ESRP1: variants seen among roughly 807,000 people sequenced by gnomAD.
ESRP1 encodes epithelial splicing regulatory protein 1.
In ESRP1, 33 loss-of-function variants were observed where a neutral mutation model predicts 81.7. That is an observed-to-expected ratio of 0.40 (90% CI 0.31 to 0.54). The LOEUF is 0.54. Ranked by LOEUF, ESRP1 falls within the 20% of genes least tolerant of loss-of-function variation. ESRP1 has a pLI of 0.41. For missense variants in ESRP1, 672 were observed against 833.1 expected (o/e 0.81, Z 2.38); for synonymous variants, 320 against 303.3 (o/e 1.06, Z -0.57).
intron 13 of ESRP1, among the ~76,000 whole-genome samples, chr8:94,691,564 A>G (rs534877085): frequency 6.6e-6 from 1 of 152,336 alleles, no homozygotes; most frequent in African/African-American, 2.4e-5. Flanking sequence ...AAGCAAATGA[A>G]GGAATTAAGT....
intron 4 of ESRP1, among the ~76,000 whole-genome samples, chr8:94,657,216 G>A (rs1469303457): frequency 6.6e-6 from 1 of 152,194 alleles, no homozygotes; most frequent in African/African-American, 2.4e-5. Context: ...TGTGAAGCTG[G>A]CTAAGCCTGT....
Position 94,641,965 on chromosome 8 carries a change from T to G in ESRP1, c.142T>G (p.Leu48Val). The G allele has an allele frequency of 6.2e-7, 1 of 1,613,848 alleles. No individual in the cohort carries two copies. The highest frequency in any genetic ancestry group is 8.5e-7 in the Non-Finnish European group (1 of 1,179,792). ...VDLANKKVGQ[L>V]HEVLVRPDQL... ...TTCTCTACCTTCGGAGGTGGGACAG[T>G]TGCACGAAGTGCTAGTTAGACCGGA... Residue 48 changes from leucine (L) to valine (V), a missense_variant, in exon 2 of 16, where the codon TTG becomes GTG. Physicochemically the swap from Leu to Val is conservative, Grantham distance 32. Coordinates refer to ENST00000433389, the MANE Select transcript of ESRP1 (RefSeq NM_017697.4).
At chr8:94,645,383 A>C (rs1817794073) in intron 3 of ESRP1, among the ~76,000 whole-genome samples, 2 of 152,062 alleles carry the variant, frequency 1.3e-5, no homozygotes, top group Non-Finnish European at 2.9e-5. Context: ...AGTTTTTAAA[A>C]GGATTATCTT....
intron 12 of ESRP1, 93 bp downstream of exon 12, chr8:94,674,599 T>G (rs1819499309): frequency 8.9e-7 from 1 of 1,127,960 alleles, no homozygotes; most frequent in Non-Finnish European, 1.2e-6. Context: ...TGGTTCTTTC[T>G]GAGGCAGGTG....
intron 13 of ESRP1, among the ~76,000 whole-genome samples, chr8:94,684,546 G>A (rs1301076062): frequency 6.6e-6 from 1 of 152,088 alleles, no homozygotes; most frequent in East Asian, 1.9e-4. Context: ...CCAAATATGT[G>A]GTATTTGTAA....
intron 14 of ESRP1, among the ~76,000 whole-genome samples, chr8:94,694,899 A>C (rs1486775051): frequency 1.3e-5 from 2 of 152,242 alleles, no homozygotes; most frequent in Non-Finnish European, 2.9e-5. Context: ...AGTTAGGATT[A>C]CATAGGAACT....
At position 94,692,661 on chromosome 8, in the gene ESRP1, C is replaced by A; in HGVS notation, c.1821-16C>A. 1 of 1,611,038 alleles carries A rather than the reference C, an allele frequency of 6.2e-7. No individual in the cohort carries two copies. ...TGTCTATTCCTATTGGTTCACTGTG[C>A]TTTCTCTCCCTTTAGCCCCCCAGGT... is the stretch of plus-strand genomic sequence containing the variant. On this transcript the variant is annotated splice_polypyrimidine_tract_variant and intron_variant, in intron 13 of 15. Coordinates refer to ENST00000433389, the MANE Select transcript of ESRP1 (RefSeq NM_017697.4).
chr8:94,674,916 A>C (rs186271618), intron 12 of ESRP1, among the ~76,000 whole-genome samples: 4 of 152,320 alleles, frequency 2.6e-5, no homozygotes, highest in Admixed American at 2.6e-4. Context: ...AGTTTGATGC[A>C]CATGTTGCAT....
chr8:94,698,634 G>A (rs1809697460), intron 15 of ESRP1, among the ~76,000 whole-genome samples: 1 of 152,196 alleles, frequency 6.6e-6, no homozygotes, highest in South Asian at 2.1e-4. Context: ...TTGTAGGGAT[G>A]TATTTGGGAA....
At chr8:94,693,597 A>G (rs1451893134) in intron 14 of ESRP1, among the ~76,000 whole-genome samples, 1 of 152,134 alleles carries the variant, frequency 6.6e-6, no homozygotes, top group Non-Finnish European at 1.5e-5. Context: ...TAGTCTTTTT[A>G]TTGTACTAAT....
intron 14 of ESRP1, among the ~76,000 whole-genome samples, 166 bp from the exon 15 acceptor site, chr8:94,696,683 TAAG>T (rs536223715): frequency 2.8e-4 from 42 of 152,328 alleles, no homozygotes; most frequent in African/African-American, 9.9e-4. Flanking sequence ...TTAAACATGT[TAAG>T]AAATAAAGAT....
chr8:94,655,065 T>TTGTGTG (rs1554575901), intron 4 of ESRP1, among the ~76,000 whole-genome samples: 24 of 147,634 alleles, frequency 1.6e-4, no homozygotes, highest in South Asian at 1.5e-3. Context: ...TTTGGGTTTT[T>TTGTGTG]TGTGTGTGTG....
At chr8:94,696,588 A>G (rs1015111207) in intron 14 of ESRP1, among the ~76,000 whole-genome samples, 1 of 152,160 alleles carries the variant, frequency 6.6e-6, no homozygotes, top group Non-Finnish European at 1.5e-5. Flanking sequence ...TTGGCCTCCT[A>G]AGTTCTTGTG....
At position 94,705,768 on chromosome 8, in the gene ESRP1, G is replaced by A. The variant is rs1188470516; in HGVS notation, c.*36-157G>A. 6.1e-6 allele frequency: 4 copies of A among 658,628 alleles called. No homozygotes were observed. In the East Asian group the frequency reaches 1.1e-4, roughly 18 times the overall value. 40.8% of individuals were successfully genotyped at this position (658,628 alleles called of 1,614,324 possible). A position where few individuals can be genotyped will look rare whatever the true frequency, so the allele number is the denominator to read the frequency against. Reference sequence around the variant, plus strand: ...CTCCCAAAGCCCTTGCCATGTAAATGCCAACTATGTCTGTGTGAAATAATA... The same window carrying A: ...CTCCCAAAGCCCTTGCCATGTAAATACCAACTATGTCTGTGTGAAATAATA... On this transcript the variant is annotated intron_variant, in intron 15 of 15. Coordinates refer to ENST00000433389, the MANE Select transcript of ESRP1 (RefSeq NM_017697.4).
rs191628552 is a variant in ESRP1 at position 94,681,141 on chromosome 8, T to C, written c.1820+2770T>C. ...GAGATAGAGACCATCCTGGCTAACA[T>C]GGTGAAACCCCGTCTCTACTAAAAA... On this transcript the variant is annotated intron_variant, in intron 13 of 15. Transcript: ENST00000433389. Among the ~76,000 whole-genome samples, 772 of 150,728 alleles carry C rather than the reference T, an allele frequency of 5.1e-3. 2 individuals are homozygous for C. Among genetic ancestry groups the C allele is most frequent in the Admixed American group, 0.011 (170 of 15,170 alleles).
At chr8:94,668,372 C>A in intron 10 of ESRP1, 122 bp downstream of exon 10, 1 of 938,980 alleles carries the variant, frequency 1.1e-6, no homozygotes, top group Non-Finnish European at 1.5e-6. Flanking sequence ...AGTGTAACTG[C>A]ATGAAAATAG....
chr8:94,643,193 C>T lies in ESRP1; in HGVS notation c.262-110C>T, dbSNP rs924536693. On this transcript the variant is annotated intron_variant, in intron 2 of 15. Coordinates refer to ENST00000433389, the MANE Select transcript of ESRP1 (RefSeq NM_017697.4). Reference sequence around the variant, plus strand: ...AAGGTTGCCCCAGCACCGGTGTCACCCATCAGGGCCCTTATTGCGGTTTTC... The same window carrying T: ...AAGGTTGCCCCAGCACCGGTGTCACTCATCAGGGCCCTTATTGCGGTTTTC... 8.9e-6 allele frequency: 6 copies of T among 672,348 alleles called. No homozygotes were observed. The Admixed American group carries it at 9.1e-5, about 10-fold the overall frequency. 41.6% of individuals were successfully genotyped at this position (672,348 alleles called of 1,614,324 possible).
chr8:94,647,031 G>GT (rs1368179958), intron 4 of ESRP1, among the ~76,000 whole-genome samples: 4 of 152,170 alleles, frequency 2.6e-5, no homozygotes, highest in African/African-American at 9.7e-5. Context: ...TCATCATGAA[G>GT]TTAAAACTAA....
chr8:94,650,182 C>A (rs144003029), intron 4 of ESRP1, among the ~76,000 whole-genome samples: 2 of 152,204 alleles, frequency 1.3e-5, no homozygotes, highest in Non-Finnish European at 2.9e-5. Context: ...TTTTGACAAA[C>A]GTATAATGAC....
Sources: allele counts gnomAD v4.1 joint callset (sites outside exome capture counted in the v4.1 genomes callset), GRCh38; gene constraint gnomAD v4.1.1; transcripts MANE v1.5; gene names NCBI Gene and HGNC (gene_info 2026-07-23, HGNC 2026-07-21).